Variants in DIPK1B observed in about 807,000 individuals in gnomAD.
DIPK1B encodes the protein divergent protein kinase domain 1B, also known as family with sequence similarity 69 member B.
In DIPK1B, 17 loss-of-function variants were observed where a neutral mutation model predicts 20.7. That is an observed-to-expected ratio of 0.82 (90% CI 0.56 to 1.23). The LOEUF is 1.23. DIPK1B is among the 50% of genes most tolerant of loss of function. DIPK1B has a pLI of 0.00. For synonymous variants in DIPK1B, 343 were observed against 276.5 expected, an observed-to-expected ratio of 1.24 and a Z score of -2.39; for missense variants, 648 against 601.8, an observed-to-expected ratio of 1.08 and a Z score of -0.80.
Position 136,722,016 on chromosome 9 carries a change from C to G in DIPK1B, c.294C>G (p.Ala98=). 1 of 1,613,368 alleles carries G rather than the reference C, an allele frequency of 6.2e-7. No homozygotes were observed. Among genetic ancestry groups the G allele is most frequent in the Non-Finnish European group, 8.5e-7 (1 of 1,179,948 alleles). Residue 98 remains alanine (A), a synonymous_variant, in exon 3 of 5, where the codon GCC becomes GCG. Coordinates refer to ENST00000371692, the MANE Select transcript of DIPK1B (RefSeq NM_152421.4). ...AGTGGAGGACCTGCCTCTCGGTGGC[C>G]CCGGGCCAGCAGGTATAGCCACTGG... ...MVEWRTCLSV[A]PGQQVYSGLW... is the part of the protein sequence containing the mutation.
intron 1 of DIPK1B, among the ~76,000 whole-genome samples, chr9:136,717,030 A>G (rs1169649631): frequency 1.3e-5 from 2 of 152,040 alleles, no homozygotes; most frequent in Non-Finnish European, 2.9e-5. Context: ...GGAGTTCAAG[A>G]CCAGCCTAGT....
At chr9:136,716,756 G>A (rs978933701) in intron 1 of DIPK1B, among the ~76,000 whole-genome samples, 1 of 152,062 alleles carries the variant, frequency 6.6e-6, no homozygotes, top group East Asian at 1.9e-4. Flanking sequence ...CTAGGGCCCC[G>A]TTCTCCAAAC....
rs1419383776 is a variant in DIPK1B, at chr9:136,722,163, C to A, written c.345C>A (p.Ile115=). The change falls in exon 4 of 5, where the codon ATC becomes ATA. Residue 115 remains isoleucine (I), a synonymous_variant. Transcript: ENST00000371692. ...TCTGGCGGGACAAGGATGTAACCATCAAGTGTGGCATTGAGGAGACCCTCG... is the reference window on the plus strand; with the variant it reads ...TCTGGCGGGACAAGGATGTAACCATAAAGTGTGGCATTGAGGAGACCCTCG... ...SGLWRDKDVT[I]KCGIEETLDS... is the part of the protein sequence containing the mutation. 2 of 1,613,906 alleles carry A rather than the reference C, an allele frequency of 1.2e-6. No homozygotes were observed. Among genetic ancestry groups the A allele is most frequent in the South Asian group, 2.2e-5 (2 of 91,084 alleles).
rs907337687 is a variant in DIPK1B at position 136,721,993 on chromosome 9, T to C, written c.271T>C (p.Trp91Arg). 1.2e-6 allele frequency: 2 copies of C among 1,611,006 alleles called. No individual in the cohort carries two copies. Among genetic ancestry groups the C allele is most frequent in the African/African-American group, 1.4e-5 (1 of 73,930 alleles). ...CCTGTGTGAGCTGCATATGGTGGAG[T>C]GGAGGACCTGCCTCTCGGTGGCCCC... is the stretch of plus-strand genomic sequence containing the variant. ...QDLCELHMVE[W>R]RTCLSVAPGQ... Residue 91 changes from tryptophan to arginine, a missense_variant, in exon 3 of 5, where the codon TGG (tryptophan) becomes CGG (arginine). By Grantham distance (101) the Trp-to-Arg change is moderately radical. Transcript: ENST00000371692.
rs200153988 is a variant in DIPK1B at position 136,723,400 on chromosome 9, A to G, written c.922A>G (p.Thr308Ala). Residue 308 changes from threonine to alanine, a missense_variant, in exon 5 of 5, where the codon ACC becomes GCC. Physicochemically the swap from Thr to Ala is moderately conservative, Grantham distance 58. Transcript: ENST00000371692. Reference protein sequence around the residue: ...TTLANVGYTATYDFKMADLQQ... With the variant: ...TTLANVGYTAAYDFKMADLQQ... ...ACTGGCCAACGTGGGCTACACAGCCACCTACGACTTCAAGATGGCCGACCT... is the reference window on the plus strand; with the variant it reads ...ACTGGCCAACGTGGGCTACACAGCCGCCTACGACTTCAAGATGGCCGACCT... 1.7e-4 allele frequency: 274 copies of G among 1,612,986 alleles called. No individual in the cohort carries two copies. The highest frequency in any genetic ancestry group is 2.2e-4 in the Non-Finnish European group (264 of 1,179,696).
intron 1 of DIPK1B, among the ~76,000 whole-genome samples, chr9:136,714,074 C>T (rs150128489): frequency 1.4e-3 from 211 of 152,290 alleles, no homozygotes; most frequent in Non-Finnish European, 2.5e-3. Flanking sequence ...GTGCCAGGCC[C>T]GGGAGCCAGG....
Position 136,724,068 on chromosome 9 carries a change from C to T in DIPK1B, c.*294C>T, listed in dbSNP as rs779464461. On this transcript the variant is annotated 3_prime_UTR_variant, in exon 5 of 5. Coordinates refer to ENST00000371692, the MANE Select transcript of DIPK1B (RefSeq NM_152421.4). ...AGGGCTGAGCACCCTGAGCCCCCAT[C>T]GATGCTGTGTGTGGGACCCTTCGCC... 7.9e-4 allele frequency: 325 copies of T among 409,890 alleles called. 1 individual carries two copies. Among genetic ancestry groups the T allele is most frequent in the Non-Finnish European group, 6.5e-4 (143 of 221,376 alleles). 25.4% of individuals were successfully genotyped at this position (409,890 alleles called of 1,614,324 possible).
chr9:136,722,074 G>T (rs776050889), intron 3 of DIPK1B, 46 bp downstream of exon 3: 2 of 1,613,398 alleles, frequency 1.2e-6, no homozygotes, highest in East Asian at 2.2e-5. Flanking sequence ...GATACTGCCC[G>T]TGCAGTGGGA....
At chr9:136,715,978 C>T (rs182895745) in intron 1 of DIPK1B, among the ~76,000 whole-genome samples, 4 of 152,246 alleles carry the variant, frequency 2.6e-5, no homozygotes, top group Middle Eastern at 3.4e-3. Context: ...CTTCCCAGCC[C>T]GCGGCTCCCT....
At chr9:136,721,502 T>TCGG in intron 2 of DIPK1B, 1 of 197,020 alleles carries the variant, frequency 5.1e-6, no homozygotes, top group Non-Finnish European at 1.0e-5. Context: ...GGTGTAGATA[T>TCGG]TAGGGACTAG....
At position 136,723,860 on chromosome 9, in the gene DIPK1B, T is replaced by C. The variant is rs2131050357; in HGVS notation, c.*86T>C. 2 of 1,357,916 alleles carry C rather than the reference T, an allele frequency of 1.5e-6. No individual in the cohort carries two copies. The highest frequency in any genetic ancestry group is 1.4e-5 in the African/African-American group (1 of 68,994). 84.1% of individuals were successfully genotyped at this position (1,357,916 alleles called of 1,614,324 possible). On this transcript the variant is annotated 3_prime_UTR_variant, in exon 5 of 5. Coordinates refer to ENST00000371692, the MANE Select transcript of DIPK1B (RefSeq NM_152421.4). ...TCCCTCAAGGAATCCTGTCAGAAGA[T>C]GTGAAATGCAACTGTGTTGCAAAAT...
chr9:136,718,872 G>C (rs758026724), intron 2 of DIPK1B, among the ~76,000 whole-genome samples: 1 of 152,236 alleles, frequency 6.6e-6, no homozygotes, highest in Non-Finnish European at 1.5e-5. Flanking sequence ...TGGCAGTGGA[G>C]GACTGGGGTG....
Position 136,724,173 on chromosome 9 carries a change from G to T in DIPK1B, c.*399G>T. ...CTTCCTGGCGAGGCAGCCCTCAGGT[G>T]TTAGTCCAAGGTGAGGTCTATTGCA... is the stretch of plus-strand genomic sequence containing the variant. On this transcript the variant is annotated 3_prime_UTR_variant, in exon 5 of 5. Coordinates refer to ENST00000371692, the MANE Select transcript of DIPK1B (RefSeq NM_152421.4). 4.0e-6 allele frequency: 1 copy of T among 248,782 alleles called. No homozygotes were observed. 15.4% of individuals were successfully genotyped at this position (248,782 alleles called of 1,614,324 possible).
At chr9:136,721,470 G>C (rs1257416706) in intron 2 of DIPK1B, 1 of 178,628 alleles carries the variant, frequency 5.6e-6, no homozygotes, top group African/African-American at 2.4e-5. Flanking sequence ...GTCAGGCAGA[G>C]AGCGCGCGTG....
intron 1 of DIPK1B, among the ~76,000 whole-genome samples, chr9:136,713,917 C>T (rs1446049723): frequency 6.6e-6 from 1 of 152,224 alleles, no homozygotes; most frequent in Non-Finnish European, 1.5e-5. Flanking sequence ...GGGCTGAGGA[C>T]CACTGTGCTG....
At chr9:136,722,363 C>G in intron 4 of DIPK1B, 62 bp downstream of exon 4, 1 of 1,538,348 alleles carries the variant, frequency 6.5e-7, no homozygotes, top group Non-Finnish European at 8.8e-7. Flanking sequence ...GCCCAGCAGG[C>G]GGCCCTGGCA....
chr9:136,713,332 G>A (rs11145837), intron 1 of DIPK1B, among the ~76,000 whole-genome samples: 3 of 152,246 alleles, frequency 2.0e-5, no homozygotes, highest in African/African-American at 7.2e-5. Flanking sequence ...GCCCGGCCTC[G>A]GATGGGATGC....
intron 1 of DIPK1B, among the ~76,000 whole-genome samples, chr9:136,717,035 C>T (rs1462915810): frequency 6.6e-6 from 1 of 152,024 alleles, no homozygotes; most frequent in African/African-American, 2.4e-5. Context: ...TCAAGACCAG[C>T]CTAGTCAACA....
chr9:136,717,908 G>A (rs1488026289), intron 2 of DIPK1B, among the ~76,000 whole-genome samples, 197 bp downstream of exon 2: 3 of 151,118 alleles, frequency 2.0e-5, no homozygotes, highest in Non-Finnish European at 3.0e-5. Flanking sequence ...GGAGACGTGC[G>A]GGGCTGCCTC....
Sources: allele counts gnomAD v4.1 joint callset (sites outside exome capture counted in the v4.1 genomes callset), GRCh38; gene constraint gnomAD v4.1.1; transcripts MANE v1.5; gene names NCBI Gene and HGNC (gene_info 2026-07-23, HGNC 2026-07-21).